Variants in NAPG observed in about 807,000 individuals in gnomAD.
NAPG encodes NSF attachment protein gamma, also known as gamma-soluble NSF attachment protein.
NAPG carries 25 observed loss-of-function variants against 48.4 expected under a neutral mutation model. That is an observed-to-expected ratio of 0.52 (90% CI 0.38 to 0.72). NAPG has a LOEUF of 0.72. Ranked by LOEUF, NAPG falls within the 30% of genes least tolerant of loss-of-function variation. The probability of loss-of-function intolerance (pLI) is 0.00; values close to 1 mark genes in which losing one functional copy is unlikely to be tolerated. For missense variants in NAPG, 359 were observed against 372.5 expected (o/e 0.96, Z 0.30); for synonymous variants, 139 against 127.2 (o/e 1.09, Z -0.62).
chr18:10,551,298 T>C lies in NAPG; in HGVS notation c.*1078T>C, dbSNP rs915351678. 5.3e-5 allele frequency: 8 copies of C among 152,126 alleles called. No individual in the cohort carries two copies. The highest frequency in any genetic ancestry group is 1.4e-4 in the African/African-American group (6 of 41,420). The allele number at this position is 152,126 out of a possible 1,614,324, so 9.4% of individuals were successfully genotyped here. A position where few individuals can be genotyped will look rare whatever the true frequency, so the allele number is the denominator to read the frequency against. ...TGTTTCCATCAGTCTAATACAGATATATTTCTTCCCTCCAAAACAGTTTAT... is the reference window on the plus strand; with the variant it reads ...TGTTTCCATCAGTCTAATACAGATACATTTCTTCCCTCCAAAACAGTTTAT... On this transcript the variant is annotated 3_prime_UTR_variant, in exon 12 of 12. Coordinates refer to ENST00000322897, the MANE Select transcript of NAPG (RefSeq NM_003826.3).
rs557801766 is a variant in NAPG at position 10,539,785 on chromosome 18, C to T, written c.282C>T (p.Ala94=). 59 of 1,613,974 alleles carry T rather than the reference C, an allele frequency of 3.7e-5. No homozygotes were observed. The South Asian group carries it at 4.7e-4, about 13-fold the overall frequency. The change falls in exon 6 of 12, where the codon GCC becomes GCT. Residue 94 remains alanine, a synonymous_variant. Transcript: ENST00000322897. The surrounding 1 kb of genome is among the most constrained non-coding windows in gnomAD (Gnocchi z 4.7). ...AGGAGATGCAGAAACTACCAGAGGC[C>T]GTTCAGCTAATTGAGAAGGCCAGCA... ...MLKEMQKLPE[A]VQLIEKASMM... is the part of the protein sequence containing the mutation.
intron 1 of NAPG, among the ~76,000 whole-genome samples, chr18:10,528,825 C>G (rs2031871360): frequency 1.3e-5 from 2 of 152,068 alleles, no homozygotes; most frequent in Non-Finnish European, 2.9e-5. Context: ...TGAAATGCTG[C>G]TAGACAGAGT....
At chr18:10,538,278 T>C (rs544609466) in intron 5 of NAPG, among the ~76,000 whole-genome samples, 116 of 152,182 alleles carry the variant, frequency 7.6e-4, no homozygotes, top group African/African-American at 2.7e-3. Context: ...CATTTGGAAG[T>C]GAAGAGCGGG....
chr18:10,547,129 T>A (rs1176181472), intron 9 of NAPG, among the ~76,000 whole-genome samples: 1 of 152,226 alleles, frequency 6.6e-6, no homozygotes. Context: ...CTTGGAGAGC[T>A]AAGATTTCAT....
Position 10,548,289 on chromosome 18 carries a change from T to G in NAPG, c.586-10T>G. On this transcript the variant is annotated splice_polypyrimidine_tract_variant and intron_variant, in intron 9 of 11. Coordinates refer to ENST00000322897, the MANE Select transcript of NAPG (RefSeq NM_003826.3). This position sits in a 1 kb window ranked among gnomAD's most constrained non-coding sequence, Gnocchi z 4.4. ...TGTAAATTTGACCATGATCCTCTCT[T>G]TTGTTTTAGAAAACAATTGCTCAAG... 1 of 1,603,384 alleles carries G rather than the reference T, an allele frequency of 6.2e-7. No homozygotes were observed. The highest frequency in any genetic ancestry group is 8.5e-7 in the Non-Finnish European group (1 of 1,170,458).
At chr18:10,538,963 C>G (rs901137140) in intron 5 of NAPG, among the ~76,000 whole-genome samples, 6 of 152,074 alleles carry the variant, frequency 3.9e-5, no homozygotes, top group Non-Finnish European at 7.4e-5. Flanking sequence ...AGATCTCACG[C>G]CAGTCAGAAT....
intron 5 of NAPG, among the ~76,000 whole-genome samples, chr18:10,537,426 G>A (rs2032057972): frequency 6.6e-6 from 1 of 152,178 alleles, no homozygotes; most frequent in Non-Finnish European, 1.5e-5. Context: ...TGGAAGTAGA[G>A]CATCATAGGG....
chr18:10,547,099 A>G (rs2032283797), intron 9 of NAPG, among the ~76,000 whole-genome samples: 1 of 152,242 alleles, frequency 6.6e-6, no homozygotes, highest in Admixed American at 6.5e-5. Context: ...CAGGCCTCAA[A>G]GTAGCAGTGC....
chr18:10,529,029 G>C (rs548388588), intron 1 of NAPG, among the ~76,000 whole-genome samples: 78 of 152,298 alleles, frequency 5.1e-4, no homozygotes, highest in African/African-American at 1.9e-3. Context: ...GGAGAAAAAG[G>C]TCAAAAGGAC....
At chr18:10,526,387 C>T (rs551487116) in intron 1 of NAPG, 4 of 547,872 alleles carry the variant, frequency 7.3e-6, no homozygotes, top group Middle Eastern at 4.9e-4. Flanking sequence ...GCCGGAAGTC[C>T]GCTCCCCAGA....
Position 10,544,064 on chromosome 18 carries a change from G to A in NAPG, c.507-2262G>A, listed in dbSNP as rs2032211080. On this transcript the variant is annotated intron_variant, in intron 8 of 11. Transcript: ENST00000322897. The surrounding 1 kb of genome is among the most constrained non-coding windows in gnomAD (Gnocchi z 5.1). ...GTTTAAAATACTGAGATTGCTAATAGAATGATATAATCTAGACACGACGGG... is the reference window on the plus strand; with the variant it reads ...GTTTAAAATACTGAGATTGCTAATAAAATGATATAATCTAGACACGACGGG... Among the ~76,000 whole-genome samples, 1 of 152,192 alleles carries A rather than the reference G, an allele frequency of 6.6e-6. No homozygotes were observed. Among genetic ancestry groups the A allele is most frequent in the Non-Finnish European group, 1.5e-5 (1 of 68,036 alleles).
intron 1 of NAPG, among the ~76,000 whole-genome samples, chr18:10,528,197 TAAATA>T (rs1447702363): frequency 6.6e-6 from 1 of 151,018 alleles, no homozygotes; most frequent in Non-Finnish European, 1.5e-5. Flanking sequence ...AAAAAATAAA[TAAATA>T]AAAAGGAAAA....
chr18:10,548,256 T>G lies in NAPG; in HGVS notation c.586-43T>G, dbSNP rs2032308796. The G allele has an allele frequency of 4.8e-6, 7 of 1,448,024 alleles. No homozygotes were observed. The highest frequency in any genetic ancestry group is 6.8e-6 in the Non-Finnish European group (7 of 1,030,008). The allele number at this position is 1,448,024 out of a possible 1,614,324, so 89.7% of individuals were successfully genotyped here. A position where few individuals can be genotyped will look rare whatever the true frequency, so the allele number is the denominator to read the frequency against. On this transcript the variant is annotated intron_variant, in intron 9 of 11. Coordinates refer to ENST00000322897, the MANE Select transcript of NAPG (RefSeq NM_003826.3). This position sits in a 1 kb window ranked among gnomAD's most constrained non-coding sequence, Gnocchi z 4.4. Reference sequence around the variant, plus strand: ...AATACTGCCAGGTTATTGACTTTATTAAACAGATGTAAATTTGACCATGAT... The same window carrying G: ...AATACTGCCAGGTTATTGACTTTATGAAACAGATGTAAATTTGACCATGAT...
In NAPG at chr18:10,552,032, T is replaced by G. The variant is rs1181972634; in HGVS notation, c.*1812T>G. The G allele has an allele frequency of 6.6e-6, 1 of 152,214 alleles. No homozygotes were observed. Among genetic ancestry groups the G allele is most frequent in the Admixed American group, 6.5e-5 (1 of 15,280 alleles). 9.4% of individuals were successfully genotyped at this position (152,214 alleles called of 1,614,324 possible). ...GATCCAATCGGAAACTTCTGGAGTC[T>G]TACATTAATGCTCATTTGAGCTAAT... On this transcript the variant is annotated 3_prime_UTR_variant, in exon 12 of 12. Coordinates refer to ENST00000322897, the MANE Select transcript of NAPG (RefSeq NM_003826.3).
chr18:10,526,224 AG>A, intron 1 of NAPG, 66 bp downstream of exon 1: 1 of 651,698 alleles, frequency 1.5e-6, no homozygotes, highest in Non-Finnish European at 2.8e-6. Context: ...GCGCGGCCTT[AG>A]CACCCGGGGG....
rs368990331 is a variant in NAPG, at chr18:10,548,262, G to A, written c.586-37G>A. 20 of 1,473,704 alleles carry A rather than the reference G, an allele frequency of 1.4e-5. No homozygotes were observed. The African/African-American group carries it at 2.2e-4, about 16-fold the overall frequency. 91.3% of individuals were successfully genotyped at this position (1,473,704 alleles called of 1,614,324 possible). ...GCCAGGTTATTGACTTTATTAAACA[G>A]ATGTAAATTTGACCATGATCCTCTC... On this transcript the variant is annotated intron_variant, in intron 9 of 11. Coordinates refer to ENST00000322897, the MANE Select transcript of NAPG (RefSeq NM_003826.3). This position sits in a 1 kb window ranked among gnomAD's most constrained non-coding sequence, Gnocchi z 4.4.
intron 1 of NAPG, among the ~76,000 whole-genome samples, chr18:10,527,509 G>A (rs141351104): frequency 6.6e-6 from 1 of 152,130 alleles, no homozygotes; most frequent in African/African-American, 2.4e-5. Flanking sequence ...GGGAGCAAAC[G>A]CAAAATTTGT....
chr18:10,545,252 C>T (rs569595914), intron 8 of NAPG, among the ~76,000 whole-genome samples: 5 of 152,082 alleles, frequency 3.3e-5, no homozygotes, highest in Admixed American at 2.6e-4. Context: ...GCAGAGGTTG[C>T]GGTGAGCCGA....
chr18:10,531,587 T>TA (rs1203439998), intron 2 of NAPG, among the ~76,000 whole-genome samples: 1 of 152,210 alleles, frequency 6.6e-6, no homozygotes, highest in African/African-American at 2.4e-5. Context: ...AAACAGCAAA[T>TA]GAGTCTTCAG....
Sources: gnomAD v4.1 joint callset for allele counts (sites outside exome capture counted in the v4.1 genomes callset) on GRCh38, gnomAD v4.1.1 for gene constraint, Gnocchi (gnomAD v3.1) non-coding constraint, MANE v1.5 for transcripts, NCBI Gene and HGNC (gene_info 2026-07-23, HGNC 2026-07-21) for gene names.